Variants in ATF6 observed in about 807,000 individuals in gnomAD.
ATF6 encodes cyclic AMP-dependent transcription factor ATF-6 alpha.
A neutral mutation model predicts 83.6 loss-of-function variants in ATF6; 53 were observed. The ratio of observed to expected loss-of-function variants is 0.63; its 90% CI spans 0.51 to 0.80. The LOEUF is 0.80. Among genes scored for constraint, ATF6 ranks in the 30% least tolerant of loss-of-function variants. ATF6 has a pLI of 0.00. For synonymous variants in ATF6, 288 were observed against 285.8 expected (o/e 1.01, Z -0.08); for missense variants, 744 against 797.9 (o/e 0.93, Z 0.81).
At chr1:161,880,790 G>C (rs1018174830) in intron 14 of ATF6, among the ~76,000 whole-genome samples, 2 of 152,002 alleles carry the variant, frequency 1.3e-5, no homozygotes, top group Non-Finnish European at 2.9e-5. Flanking sequence ...TTATATAGTA[G>C]GCATATGTTT....
At chr1:161,799,878 C>T (rs866834738) in intron 6 of ATF6, among the ~76,000 whole-genome samples, 22 of 152,036 alleles carry the variant, frequency 1.4e-4, no homozygotes, top group African/African-American at 4.6e-4. Context: ...TAGTTTTCCC[C>T]GATCCTTTGA....
chr1:161,847,482 A>G (rs924790108), intron 10 of ATF6, among the ~76,000 whole-genome samples: 4 of 152,152 alleles, frequency 2.6e-5, no homozygotes, highest in African/African-American at 9.7e-5. Flanking sequence ...ATGCCAAGTC[A>G]GTGGAGGACC....
intron 15 of ATF6, among the ~76,000 whole-genome samples, chr1:161,944,621 G>A (rs1688712793): frequency 6.6e-6 from 1 of 152,184 alleles, no homozygotes; most frequent in Non-Finnish European, 1.5e-5. Flanking sequence ...ATCTCACTGT[G>A]TTGTATTGCA....
At chr1:161,950,371 G>T (rs995944234) in intron 15 of ATF6, among the ~76,000 whole-genome samples, 4 of 152,148 alleles carry the variant, frequency 2.6e-5, no homozygotes, top group African/African-American at 7.2e-5. Flanking sequence ...TGCAATTAAA[G>T]AGCCATAGTT....
At chr1:161,766,522 TG>T in intron 1 of ATF6, 80 bp downstream of exon 1, 1 of 1,413,376 alleles carries the variant, frequency 7.1e-7, no homozygotes, top group Non-Finnish European at 9.9e-7. Context: ...CGCCCACTCG[TG>T]GTGACAGGTG....
intron 12 of ATF6, among the ~76,000 whole-genome samples, chr1:161,856,643 T>C (rs577006224): frequency 2.4e-4 from 36 of 152,288 alleles, no homozygotes; most frequent in African/African-American, 8.4e-4. Context: ...CAGGAATAGA[T>C]CATTGCCAGT....
chr1:161,790,954 T>TA (rs1684861478), intron 4 of ATF6, among the ~76,000 whole-genome samples: 1 of 152,226 alleles, frequency 6.6e-6, no homozygotes, highest in African/African-American at 2.4e-5. Flanking sequence ...TTGCTTTTGA[T>TA]ATTCTTTTAA....
At chr1:161,860,424 GTA>G (rs144003510) in intron 13 of ATF6, 147 bp downstream of exon 13, 31,150 of 225,444 alleles carry the variant, frequency 0.14, 2,984 homozygotes, top group East Asian at 0.35. Flanking sequence ...ATATATATAT[GTA>G]TATATATATA....
chr1:161,820,328 A>G (rs1282905997), intron 8 of ATF6, among the ~76,000 whole-genome samples: 1 of 151,872 alleles, frequency 6.6e-6, no homozygotes, highest in African/African-American at 2.4e-5. Flanking sequence ...GGCTTCTTAC[A>G]CTCTTTTTCT....
intron 1 of ATF6, among the ~76,000 whole-genome samples, chr1:161,774,434 CACAT>C (rs1426434404): frequency 1.2e-4 from 18 of 150,948 alleles, no homozygotes; most frequent in African/African-American, 3.4e-4. Flanking sequence ...CACACACACA[CACAT>C]ACACACATAT....
At chr1:161,801,246 A>T (rs888237593) in intron 6 of ATF6, among the ~76,000 whole-genome samples, 4 of 151,766 alleles carry the variant, frequency 2.6e-5, no homozygotes, top group African/African-American at 9.7e-5. Flanking sequence ...TTGGGGGAAG[A>T]GGGAAAGGGC....
intron 7 of ATF6, among the ~76,000 whole-genome samples, chr1:161,803,592 A>G (rs1046171067): frequency 2.0e-5 from 3 of 152,328 alleles, no homozygotes; most frequent in Admixed American, 6.5e-5. Flanking sequence ...AGCACAGGAT[A>G]GAGGCAACTG....
chr1:161,920,044 T>C (rs1287064420), intron 15 of ATF6, among the ~76,000 whole-genome samples: 2 of 152,184 alleles, frequency 1.3e-5, no homozygotes, highest in African/African-American at 4.8e-5. Context: ...TTCATTCTGC[T>C]CAAGCAGCCT....
Position 161,822,404 on chromosome 1 carries a change from G to A in ATF6, c.1187+1243G>A, listed in dbSNP as rs115568524. Among the ~76,000 whole-genome samples the A allele has an allele frequency of 3.2e-3, 490 of 152,278 alleles. 1 individual carries two copies. The highest frequency in any genetic ancestry group is 0.011 in the African/African-American group (458 of 41,550). ...GGTATCACATGCTGCTGAGAGCTTGGGAGATGTAGAAAGCTGAATTTGGCA... is the reference window on the plus strand; with the variant it reads ...GGTATCACATGCTGCTGAGAGCTTGAGAGATGTAGAAAGCTGAATTTGGCA... On this transcript the variant is annotated intron_variant, in intron 9 of 15. Transcript: ENST00000367942.
intron 3 of ATF6, 130 bp from the exon 4 acceptor site, chr1:161,783,860 C>A: frequency 1.6e-6 from 1 of 621,470 alleles, no homozygotes; most frequent in Non-Finnish European, 2.8e-6. Flanking sequence ...CATTTTCACT[C>A]GTTATATTTT....
At chr1:161,897,587 G>A (rs1687701159) in intron 14 of ATF6, among the ~76,000 whole-genome samples, 1 of 152,136 alleles carries the variant, frequency 6.6e-6, no homozygotes, top group South Asian at 2.1e-4. Context: ...GTAGTTTTCT[G>A]TTCGGGAGGA....
In ATF6 at chr1:161,940,615, G is replaced by A. The variant is rs1332841706; in HGVS notation, c.1805-17831G>A. ...GCTCTGTTGCCCAGGCTGAAGTGCA[G>A]TGGCACAATCTTGGCTCACTGCAAC... On this transcript the variant is annotated intron_variant, in intron 15 of 15. Transcript: ENST00000367942. Among the ~76,000 whole-genome samples, 5 of 136,210 alleles carry A rather than the reference G, an allele frequency of 3.7e-5. No homozygotes were observed. The East Asian group carries it at 1.1e-3, about 30-fold the overall frequency. 89.4% of individuals were successfully genotyped at this position (136,210 alleles called of 152,430 possible). A position where few individuals can be genotyped will look rare whatever the true frequency, so the allele number is the denominator to read the frequency against.
Position 161,949,760 on chromosome 1 carries a change from C to T in ATF6, c.1805-8686C>T, listed in dbSNP as rs183426944. ...CATGGGAACTAATAAATCAAGAACT[C>T]GCTCACCCCTGAGGGAGAACATTAA... On this transcript the variant is annotated intron_variant, in intron 15 of 15. Transcript: ENST00000367942. Among the ~76,000 whole-genome samples, 11 of 152,260 alleles carry T rather than the reference C, an allele frequency of 7.2e-5. No homozygotes were observed. The East Asian group carries it at 1.7e-3, about 24-fold the overall frequency.
chr1:161,851,276 C>CA (rs1686621483), intron 10 of ATF6, among the ~76,000 whole-genome samples: 2 of 139,292 alleles, frequency 1.4e-5, no homozygotes, highest in East Asian at 5.2e-4. Context: ...ACACACACAC[C>CA]CCTACCTGTT....
Sources: gnomAD v4.1 joint callset for allele counts (sites outside exome capture counted in the v4.1 genomes callset) on GRCh38, gnomAD v4.1.1 for gene constraint, MANE v1.5 for transcripts, NCBI Gene and HGNC (gene_info 2026-07-23, HGNC 2026-07-21) for gene names.